Variants in ZFAT observed in about 807,000 individuals in gnomAD.
The protein encoded by ZFAT is zinc finger protein ZFAT.
Under a neutral mutation model 117.7 loss-of-function variants are expected in ZFAT, and 64 were observed. That is an observed-to-expected ratio of 0.54 (90% CI 0.44 to 0.67). The LOEUF (loss-of-function observed/expected upper bound fraction) is 0.67. Ranked by LOEUF, ZFAT falls within the 30% of genes least tolerant of loss-of-function variation. The probability of loss-of-function intolerance (pLI) is 0.00; values close to 1 mark genes in which losing one functional copy is unlikely to be tolerated. For missense variants in ZFAT, 1,433 were observed against 1,584.5 expected (o/e 0.90, Z 1.62); for synonymous variants, 679 against 615.0 (o/e 1.10, Z -1.54).
intron 1 of ZFAT, among the ~76,000 whole-genome samples, chr8:134,669,758 A>T (rs1832456711): frequency 6.6e-6 from 1 of 152,178 alleles, no homozygotes; most frequent in South Asian, 2.1e-4. Flanking sequence ...AACAATATTA[A>T]CCTTAAATAT....
intron 11 of ZFAT, among the ~76,000 whole-genome samples, chr8:134,555,800 C>T (rs747032643): frequency 2.7e-5 from 4 of 146,902 alleles, no homozygotes; most frequent in African/African-American, 5.0e-5. Context: ...AGAACAAATA[C>T]GTTAAAAGCT....
chr8:134,500,632 A>G (rs754234), intron 15 of ZFAT, among the ~76,000 whole-genome samples: 33,372 of 152,176 alleles, frequency 0.22, 4,243 homozygotes, highest in East Asian at 0.4. Flanking sequence ...AATGTGGAGT[A>G]GCAGCCATCC....
At chr8:134,790,655 T>C in the ZFAT span, among the ~76,000 whole-genome samples, 3 of 152,202 alleles carry the variant, frequency 2.0e-5, no homozygotes, top group African/African-American at 7.2e-5. Flanking sequence ...TATTGGATCT[T>C]CCATGAATTA....
chr8:134,649,201 ACC>A (rs1554614274), intron 2 of ZFAT, among the ~76,000 whole-genome samples: 1,615 of 148,878 alleles, frequency 0.011, 15 homozygotes, highest in Non-Finnish European at 0.017. Flanking sequence ...ACACACACAC[ACC>A]CCATCATACT....
intron 11 of ZFAT, among the ~76,000 whole-genome samples, chr8:134,555,145 G>GGTCT (rs1351444760): frequency 2.6e-5 from 4 of 152,164 alleles, no homozygotes; most frequent in Non-Finnish European, 5.9e-5. Context: ...AGCTGCCAAG[G>GGTCT]GTCTTCTCCA....
the ZFAT span, among the ~76,000 whole-genome samples, chr8:134,745,382 G>T: frequency 1.3e-5 from 2 of 152,176 alleles, no homozygotes; most frequent in African/African-American, 4.8e-5. Context: ...CCCTAAAGCT[G>T]GCCTAGCTTG....
chr8:134,770,140 C>T, the ZFAT span, among the ~76,000 whole-genome samples: 1 of 152,208 alleles, frequency 6.6e-6, no homozygotes, highest in Non-Finnish European at 1.5e-5. Context: ...TCCTCCTTAC[C>T]TATGCAAATT....
At chr8:134,573,301 G>A (rs1025636373) in intron 10 of ZFAT, among the ~76,000 whole-genome samples, 14 of 152,034 alleles carry the variant, frequency 9.2e-5, no homozygotes, top group African/African-American at 2.7e-4. Flanking sequence ...TTTAAAAAAC[G>A]TAAAAATAAA....
At chr8:134,759,379 A>G in the ZFAT span, among the ~76,000 whole-genome samples, 3 of 152,196 alleles carry the variant, frequency 2.0e-5, no homozygotes, top group African/African-American at 7.2e-5. Flanking sequence ...ATAGGCAGCT[A>G]CCTTGATGTA....
At chr8:134,771,456 G>A in the ZFAT span, among the ~76,000 whole-genome samples, 3 of 152,124 alleles carry the variant, frequency 2.0e-5, no homozygotes, top group Admixed American at 6.5e-5. Context: ...TAGGGCAGGG[G>A]CAAAATGCTG....
chr8:134,638,549 C>CAAAAAAAAAAAAAAAAAAA (rs758050176), intron 2 of ZFAT, among the ~76,000 whole-genome samples: 22 of 101,128 alleles, frequency 2.2e-4, no homozygotes, highest in African/African-American at 6.7e-4. Context: ...ACTAAAAATA[C>CAAAAAAAAAAAAAAAAAAA]AAAAAAAAAA....
intron 1 of ZFAT, among the ~76,000 whole-genome samples, chr8:134,711,334 T>G (rs914740302): frequency 6.6e-6 from 1 of 152,234 alleles, no homozygotes; most frequent in Non-Finnish European, 1.5e-5. Context: ...TGTGGCCTCA[T>G]GTCAGTGCTC....
intron 15 of ZFAT, among the ~76,000 whole-genome samples, 160 bp downstream of exon 15, chr8:134,509,458 TC>T (rs1294178510): frequency 6.6e-6 from 1 of 151,904 alleles, no homozygotes; most frequent in Non-Finnish European, 1.5e-5. Flanking sequence ...GAAGAAGCAC[TC>T]CCATGAGATC....
At chr8:134,629,206 A>C (rs1829720829) in intron 3 of ZFAT, among the ~76,000 whole-genome samples, 1 of 152,096 alleles carries the variant, frequency 6.6e-6, no homozygotes, top group South Asian at 2.1e-4. Flanking sequence ...ATAGAGGAGG[A>C]TCATCAGTTG....
At chr8:134,576,808 A>C (rs1012241510) in intron 10 of ZFAT, among the ~76,000 whole-genome samples, 1 of 152,026 alleles carries the variant, frequency 6.6e-6, no homozygotes, top group Non-Finnish European at 1.5e-5. Context: ...TCCATACTCA[A>C]CTCTCCACTT....
At chr8:134,744,933 G>A in the ZFAT span, among the ~76,000 whole-genome samples, 1 of 151,618 alleles carries the variant, frequency 6.6e-6, no homozygotes, top group Admixed American at 6.6e-5. Context: ...GTTTCACCAT[G>A]TTAGCCAGGA....
intron 1 of ZFAT, among the ~76,000 whole-genome samples, chr8:134,665,820 G>C (rs187418669): frequency 4.6e-5 from 7 of 152,178 alleles, no homozygotes; most frequent in Non-Finnish European, 8.8e-5. Context: ...TCCCCACTGG[G>C]GTCTCCAGAG....
At chr8:134,659,098 A>G (rs1241274174) in intron 1 of ZFAT, among the ~76,000 whole-genome samples, 1 of 152,208 alleles carries the variant, frequency 6.6e-6, no homozygotes, top group African/African-American at 2.4e-5. Context: ...TGCAACTTCT[A>G]CGCCATTTAC....
chr8:134,791,290 ATCC>A, the ZFAT span, among the ~76,000 whole-genome samples: 1 of 152,156 alleles, frequency 6.6e-6, no homozygotes, highest in African/African-American at 2.4e-5. Flanking sequence ...AAGTTTGCTC[ATCC>A]TCCTTCCTGA....
Sources: allele counts gnomAD v4.1 joint callset (sites outside exome capture counted in the v4.1 genomes callset), GRCh38; gene constraint gnomAD v4.1.1; transcripts MANE v1.5; gene names NCBI Gene and HGNC (gene_info 2026-07-23, HGNC 2026-07-21).